MAP3K1: variants seen among roughly 807,000 people sequenced by gnomAD.
The protein encoded by MAP3K1 is mitogen-activated protein kinase kinase kinase 1.
Under a neutral mutation model 144.2 loss-of-function variants are expected in MAP3K1, and 36 were observed. That is an observed-to-expected ratio of 0.25 (90% confidence interval 0.19 to 0.33). The LOEUF (loss-of-function observed/expected upper bound fraction) is 0.33. Ranked by LOEUF, MAP3K1 falls within the 10% of genes least tolerant of loss-of-function variation. The pLI, the probability that MAP3K1 is intolerant of heterozygous loss-of-function variation, is 1.00. For missense variants in MAP3K1, 1,650 were observed against 1,881.9 expected, an observed-to-expected ratio of 0.88 and a Z score of 2.28; for synonymous variants, 718 against 688.7, an observed-to-expected ratio of 1.04 and a Z score of -0.67.
intron 1 of MAP3K1, among the ~76,000 whole-genome samples, chr5:56,834,850 C>T (rs895162721): frequency 2.0e-5 from 3 of 151,842 alleles, no homozygotes; most frequent in African/African-American, 7.3e-5. Context: ...GTATATTTTA[C>T]TTATATACAG....
Position 56,823,737 on chromosome 5 carries a change from A to T in MAP3K1, c.482+7682A>T, listed in dbSNP as rs1746223786. ...GATAGACTCATTCAGAGGTACCTGGACTTGTAGACGTGCCTGGTGGCTCGA... is the reference window on the plus strand; with the variant it reads ...GATAGACTCATTCAGAGGTACCTGGTCTTGTAGACGTGCCTGGTGGCTCGA... On this transcript the variant is annotated intron_variant, in intron 1 of 19. Coordinates refer to ENST00000399503, the MANE Select transcript of MAP3K1 (RefSeq NM_005921.2). Among the ~76,000 whole-genome samples, 3 of 152,174 alleles carry T rather than the reference A, an allele frequency of 2.0e-5. No homozygotes were observed. The South Asian group carries it at 6.2e-4, about 31-fold the overall frequency.
Position 56,816,069 on chromosome 5 carries a change from C to T in MAP3K1, c.482+14C>T. The T allele has an allele frequency of 8.3e-7, 1 of 1,210,670 alleles. No individual in the cohort carries two copies. The highest frequency in any genetic ancestry group is 1.0e-6 in the Non-Finnish European group (1 of 975,158). The allele number at this position is 1,210,670 out of a possible 1,614,324, so 75.0% of individuals were successfully genotyped here. On this transcript the variant is annotated intron_variant, in intron 1 of 19. Coordinates refer to ENST00000399503, the MANE Select transcript of MAP3K1 (RefSeq NM_005921.2). The stretch of plus-strand genomic sequence containing the variant: ...GGCCCCCGCCGGGTGAGCAGCACGG[C>T]CGGGGTCGCGGCGGGGACTTGGAGA...
At chr5:56,827,304 C>T (rs1048431421) in intron 1 of MAP3K1, among the ~76,000 whole-genome samples, 1 of 152,174 alleles carries the variant, frequency 6.6e-6, no homozygotes, top group Non-Finnish European at 1.5e-5. Context: ...AATAAAAAAG[C>T]CTTTGTAATT....
At chr5:56,821,066 A>G (rs1746140057) in intron 1 of MAP3K1, among the ~76,000 whole-genome samples, 1 of 152,200 alleles carries the variant, frequency 6.6e-6, no homozygotes, top group Non-Finnish European at 1.5e-5. Flanking sequence ...TATTAGTAAC[A>G]GCAACTCTAC....
rs200127101 is a variant in MAP3K1, at chr5:56,859,798, T to G, written c.717T>G (p.Ser239Arg). 4 of 1,614,070 alleles carry G rather than the reference T, an allele frequency of 2.5e-6. No homozygotes were observed. The highest frequency in any genetic ancestry group is 1.1e-5 in the South Asian group (1 of 91,064). Reference protein sequence around the residue: ...AAESPGEVQASAASPASKGRR... With the variant: ...AAESPGEVQARAASPASKGRR... ...AGTCTCCAGGAGAGGTCCAGGCAAG[T>G]GCGGCTTCACCAGCTTCCAAAGGCC... is the stretch of plus-strand genomic sequence containing the variant. Residue 239 changes from serine to arginine, a missense_variant, in exon 3 of 20, where the codon AGT becomes AGG. By Grantham distance (110) the Ser-to-Arg change is moderately radical (BLOSUM62 -1). Coordinates refer to ENST00000399503, the MANE Select transcript of MAP3K1 (RefSeq NM_005921.2).
In MAP3K1 at chr5:56,889,598, C is replaced by G. The variant is rs1369912136; in HGVS notation, c.4389+1241C>G. Among the ~76,000 whole-genome samples the G allele has an allele frequency of 2.0e-5, 3 of 152,258 alleles. No individual in the cohort carries two copies. In the East Asian group the frequency reaches 5.8e-4, roughly 29 times the overall value. Reference sequence around the variant, plus strand: ...AATAAGTAATGGTTGATATTCTTAGCTTTTCAGTAGATGTGATGGTTGAAA... The same window carrying G: ...AATAAGTAATGGTTGATATTCTTAGGTTTTCAGTAGATGTGATGGTTGAAA... On this transcript the variant is annotated intron_variant, in intron 19 of 19. Coordinates refer to ENST00000399503, the MANE Select transcript of MAP3K1 (RefSeq NM_005921.2).
At chr5:56,837,638 A>G (rs1267029041) in intron 1 of MAP3K1, among the ~76,000 whole-genome samples, 2 of 152,250 alleles carry the variant, frequency 1.3e-5, no homozygotes, top group Admixed American at 6.5e-5. Flanking sequence ...GAGTAAGACA[A>G]AGGCTTTGTT....
At chr5:56,816,644 G>A (rs1327202347) in intron 1 of MAP3K1, among the ~76,000 whole-genome samples, 1 of 152,100 alleles carries the variant, frequency 6.6e-6, no homozygotes, top group East Asian at 1.9e-4. Flanking sequence ...GGCTGGGCCC[G>A]GACGCAGGCG....
intron 19 of MAP3K1, among the ~76,000 whole-genome samples, chr5:56,892,541 G>A (rs907231415): frequency 1.3e-5 from 2 of 152,130 alleles, no homozygotes; most frequent in African/African-American, 4.8e-5. Flanking sequence ...AAGACAAATT[G>A]TACCTTCTAG....
Position 56,893,721 on chromosome 5 carries a change from A to G in MAP3K1, c.*41A>G. 1 of 1,609,592 alleles carries G rather than the reference A, an allele frequency of 6.2e-7. No homozygotes were observed. On this transcript the variant is annotated 3_prime_UTR_variant, in exon 20 of 20. Transcript: ENST00000399503. ...AACTACAGTAGAAACAGGATGCTCA[A>G]CAAGAGAAAAAAAACTTGTGGGGAA...
intron 19 of MAP3K1, 112 bp downstream of exon 19, chr5:56,888,469 TAGTC>T (rs1748450210): frequency 4.4e-6 from 4 of 903,544 alleles, no homozygotes; most frequent in South Asian, 1.4e-5. Flanking sequence ...GGTAAATAAA[TAGTC>T]TGTATATTTA....
At chr5:56,884,381 T>C (rs1026543946) in intron 15 of MAP3K1, among the ~76,000 whole-genome samples, 8 of 152,218 alleles carry the variant, frequency 5.3e-5, no homozygotes, top group African/African-American at 1.4e-4. Flanking sequence ...TTTTAAATCA[T>C]GTTGATTCTT....
chr5:56,882,842 A>G lies in MAP3K1; in HGVS notation c.3642A>G (p.Glu1214=), dbSNP rs1401862095. 6.2e-7 allele frequency: 1 copy of G among 1,611,038 alleles called. No homozygotes were observed. Among genetic ancestry groups the G allele is most frequent in the South Asian group, 1.1e-5 (1 of 91,036 alleles). The part of the protein sequence containing the change: ...IVPQLQVENG[E]DIIIIQQDTP... ...CTCAGCTGCAGGTTGAAAATGGAGA[A>G]GATATCATCATTATTCAACAGGATG... The change falls in exon 14 of 20, where the codon GAA becomes GAG. Residue 1214 remains glutamate (E), a synonymous_variant. Coordinates refer to ENST00000399503, the MANE Select transcript of MAP3K1 (RefSeq NM_005921.2).
In MAP3K1 at chr5:56,882,211, A is replaced by G; in HGVS notation, c.3011A>G (p.His1004Arg). 6.2e-7 allele frequency: 1 copy of G among 1,614,128 alleles called. No individual in the cohort carries two copies. Among genetic ancestry groups the G allele is most frequent in the Non-Finnish European group, 8.5e-7 (1 of 1,180,022 alleles). ...PAGTATDVSK[H>R]RLQGFIPCRI... ...GGCACTGCAACAGATGTCTCTAAGC[A>G]TAGACTTCAGGGATTCATTCCCTGC... is the stretch of plus-strand genomic sequence containing the variant. The change falls in exon 14 of 20, where the codon CAT becomes CGT. Residue 1004 changes from histidine (H) to arginine (R), a missense_variant. His to Arg is a conservative substitution (Grantham distance 29). This residue lies in a region of MAP3K1 where 841 missense variants were observed against 886.5 expected (regional missense o/e 0.95). Coordinates refer to ENST00000399503, the MANE Select transcript of MAP3K1 (RefSeq NM_005921.2).
chr5:56,882,684 G>A lies in MAP3K1; in HGVS notation c.3484G>A (p.Glu1162Lys). 1.2e-6 allele frequency: 2 copies of A among 1,614,086 alleles called. No individual in the cohort carries two copies. The highest frequency in any genetic ancestry group is 1.1e-5 in the South Asian group (1 of 91,070). Residue 1162 changes from glutamate to lysine, a missense_variant, in exon 14 of 20, where the codon GAA becomes AAA. Around this residue, in one of 6 missense-constraint regions of MAP3K1, gnomAD observed 841 missense variants for 886.5 expected, o/e 0.95. Coordinates refer to ENST00000399503, the MANE Select transcript of MAP3K1 (RefSeq NM_005921.2). ...EVAVLSPEKA[E>K]NDDTYKDDVN... ...TGCTGTCCTGTCTCCTGAAAAGGCT[G>A]AAAATGATGATACCTACAAAGATGA...
Position 56,834,157 on chromosome 5 carries a change from A to G in MAP3K1, c.482+18102A>G, listed in dbSNP as rs183433776. 3.2e-4 allele frequency among the ~76,000 whole-genome samples: 49 copies of G among 152,130 alleles called. 1 individual carries two copies. The highest frequency in any genetic ancestry group is 6.6e-4 in the Non-Finnish European group (45 of 68,030). On this transcript the variant is annotated intron_variant, in intron 1 of 19. Coordinates refer to ENST00000399503, the MANE Select transcript of MAP3K1 (RefSeq NM_005921.2). The stretch of plus-strand genomic sequence containing the variant: ...TTCTTCAGTAGTAGTTTGCTGGCCC[A>G]TAAGTCTTTTATGTGAACTGCTTAT...
intron 1 of MAP3K1, among the ~76,000 whole-genome samples, chr5:56,816,296 C>T (rs963666696): frequency 1.3e-5 from 2 of 152,046 alleles, no homozygotes; most frequent in African/African-American, 4.8e-5. Flanking sequence ...AGACATGTGA[C>T]AGGCGTGCGA....
At chr5:56,890,241 T>A (rs1423377896) in intron 19 of MAP3K1, among the ~76,000 whole-genome samples, 1 of 152,162 alleles carries the variant, frequency 6.6e-6, no homozygotes, top group East Asian at 1.9e-4. Context: ...TAGGATCAAT[T>A]TGAAAGTTTG....
At chr5:56,841,591 C>A (rs1195006948) in intron 1 of MAP3K1, among the ~76,000 whole-genome samples, 1 of 152,128 alleles carries the variant, frequency 6.6e-6, no homozygotes, top group Admixed American at 6.5e-5. Flanking sequence ...TTGGGAAGTA[C>A]TCTCCAGATT....
Sources: gnomAD v4.1 joint callset for allele counts (sites outside exome capture counted in the v4.1 genomes callset) on GRCh38, gnomAD v4.1.1 for gene constraint, gnomAD v4.1.1 regional missense constraint, MANE v1.5 for transcripts, NCBI Gene and HGNC (gene_info 2026-07-23, HGNC 2026-07-21) for gene names.